Variants in LINGO2 observed in about 807,000 individuals in gnomAD.
LINGO2 encodes leucine rich repeat and Ig domain containing 2, also known as leucine-rich repeat and immunoglobulin-like domain-containing nogo receptor-interacting protein 2.
LINGO2 carries 14 observed loss-of-function variants against 30.6 expected under a neutral mutation model. The ratio of observed to expected loss-of-function variants is 0.46; its 90% CI spans 0.30 to 0.72. The LOEUF (loss-of-function observed/expected upper bound fraction) is 0.72, where lower values mean the gene tolerates loss of function less well. LINGO2 is among the 30% of genes least tolerant of loss of function. LINGO2 has a pLI of 0.07. For synonymous variants in LINGO2, 317 were observed against 288.5 expected (o/e 1.10, Z -1.00); for missense variants, 729 against 751.7 (o/e 0.97, Z 0.35).
At chr9:28,950,550 C>G in the LINGO2 span, among the ~76,000 whole-genome samples, 25,007 of 149,372 alleles carry the variant, frequency 0.17, 2,092 homozygotes, top group South Asian at 0.2. Context: ...AGCAAAGTCT[C>G]AGGATACAAA....
intron 4 of LINGO2, among the ~76,000 whole-genome samples, chr9:28,121,909 C>T (rs1208840270): frequency 6.6e-6 from 1 of 152,032 alleles, no homozygotes; most frequent in Non-Finnish European, 1.5e-5. Flanking sequence ...TGCAAAAATG[C>T]AATATTTAAT....
chr9:28,853,877 A>C, the LINGO2 span, among the ~76,000 whole-genome samples: 1 of 151,950 alleles, frequency 6.6e-6, no homozygotes, highest in Non-Finnish European at 1.5e-5. Context: ...GGGAGGTGAC[A>C]CAGAGCGAAA....
chr9:28,007,726 A>G (rs1395209169), intron 5 of LINGO2, among the ~76,000 whole-genome samples: 1 of 149,100 alleles, frequency 6.7e-6, no homozygotes, highest in African/African-American at 2.6e-5. Flanking sequence ...CCTAAATGTT[A>G]TCATTTTTTA....
intron 2 of LINGO2, among the ~76,000 whole-genome samples, chr9:28,432,804 T>C (rs1351691319): frequency 1.3e-5 from 2 of 152,274 alleles, no homozygotes; most frequent in South Asian, 2.1e-4. Flanking sequence ...TAATTTCCCA[T>C]AATAAAACAT....
chr9:27,992,343 C>T (rs1821438537), intron 5 of LINGO2, among the ~76,000 whole-genome samples: 1 of 152,048 alleles, frequency 6.6e-6, no homozygotes, highest in African/African-American at 2.4e-5. Context: ...ACAATGACTA[C>T]ATAAATCATG....
the LINGO2 span, among the ~76,000 whole-genome samples, chr9:28,782,684 T>G: frequency 6.6e-6 from 1 of 152,204 alleles, no homozygotes; most frequent in Non-Finnish European, 1.5e-5. Context: ...AGTGAAGAAT[T>G]TGTTACTTCT....
intron 5 of LINGO2, among the ~76,000 whole-genome samples, chr9:27,993,647 C>T (rs1224422945): frequency 1.3e-5 from 2 of 152,048 alleles, no homozygotes; most frequent in Non-Finnish European, 1.5e-5. Context: ...GAATGCCTGC[C>T]TCTTTAAATA....
At chr9:28,228,176 T>C (rs10812758) in intron 4 of LINGO2, among the ~76,000 whole-genome samples, 3,216 of 152,076 alleles carry the variant, frequency 0.021, 55 homozygotes, top group Middle Eastern at 0.061. Context: ...CTACCTTTTA[T>C]AATTATCTAG....
At chr9:29,122,063 GT>G in the LINGO2 span, among the ~76,000 whole-genome samples, 2 of 151,576 alleles carry the variant, frequency 1.3e-5, no homozygotes, top group African/African-American at 4.9e-5. Flanking sequence ...CTGTACTACT[GT>G]TTTTTAAAAA....
intron 4 of LINGO2, among the ~76,000 whole-genome samples, chr9:28,228,447 C>T (rs576307002): frequency 6.8e-4 from 103 of 152,070 alleles, no homozygotes; most frequent in African/African-American, 2.3e-3. Flanking sequence ...TATCTTTCTT[C>T]CTTTGGTTTA....
chr9:28,743,683 C>T, the LINGO2 span, among the ~76,000 whole-genome samples: 1 of 151,908 alleles, frequency 6.6e-6, no homozygotes, highest in East Asian at 1.9e-4. Context: ...AATTGAACTG[C>T]CCTCTATGGG....
the LINGO2 span, among the ~76,000 whole-genome samples, chr9:28,761,399 G>A: frequency 2.0e-5 from 3 of 151,546 alleles, no homozygotes; most frequent in Non-Finnish European, 4.4e-5. Flanking sequence ...GAAGTACAAA[G>A]GAAAAACTCA....
intron 4 of LINGO2, among the ~76,000 whole-genome samples, chr9:28,201,340 G>A (rs1289453723): frequency 2.2e-5 from 3 of 136,938 alleles, no homozygotes; most frequent in Non-Finnish European, 4.6e-5. Context: ...TTGGTTTTTT[G>A]TTCTTGCGAT....
chr9:28,328,071 G>T (rs1000580980), intron 3 of LINGO2, among the ~76,000 whole-genome samples: 1 of 152,102 alleles, frequency 6.6e-6, no homozygotes, highest in Non-Finnish European at 1.5e-5. Context: ...GAACAAATAC[G>T]CAGCAAGAAG....
chr9:29,024,005 T>C, the LINGO2 span, among the ~76,000 whole-genome samples: 3,445 of 152,198 alleles, frequency 0.023, 135 homozygotes, highest in African/African-American at 0.079. Context: ...CTTCTTCTCT[T>C]GTAAACTTAA....
At chr9:28,227,764 G>T (rs1309197739) in intron 4 of LINGO2, among the ~76,000 whole-genome samples, 1 of 151,954 alleles carries the variant, frequency 6.6e-6, no homozygotes, top group Non-Finnish European at 1.5e-5. Context: ...TATCCTTTTG[G>T]GGATTCCAGT....
In LINGO2 at chr9:28,554,422, A is replaced by G. The variant is rs548070476; in HGVS notation, c.-364-78397T>C. 2.1e-5 allele frequency among the ~76,000 whole-genome samples: 3 copies of G among 139,940 alleles called. No homozygotes were observed. In the South Asian group the frequency reaches 7.3e-4, roughly 34 times the overall value. The allele number at this position is 139,940 out of a possible 152,430, so 91.8% of individuals were successfully genotyped here. A position where few individuals can be genotyped will look rare whatever the true frequency, so the allele number is the denominator to read the frequency against. On this transcript the variant is annotated intron_variant, in intron 1 of 5. Transcript: ENST00000379992. ...AAAGAAGGCCATTACATAATGGTAG[A>G]GGGATCAATTCAACAAGAAGAGCTA...
chr9:28,605,811 C>T (rs904012706), intron 1 of LINGO2, among the ~76,000 whole-genome samples: 1 of 152,132 alleles, frequency 6.6e-6, no homozygotes, highest in East Asian at 1.9e-4. Flanking sequence ...CACATCCACT[C>T]ATTTAGTACT....
intron 1 of LINGO2, among the ~76,000 whole-genome samples, chr9:28,647,105 TCTACTG>T (rs1272728830): frequency 2.6e-5 from 4 of 152,126 alleles, no homozygotes; most frequent in Non-Finnish European, 4.4e-5. Context: ...CACTGCTGCC[TCTACTG>T]CTACTGCCAT....
Sources: allele counts gnomAD v4.1 joint callset (sites outside exome capture counted in the v4.1 genomes callset), GRCh38; gene constraint gnomAD v4.1.1; transcripts MANE v1.5; gene names NCBI Gene and HGNC (gene_info 2026-07-23, HGNC 2026-07-21).